GNA15: variants seen among roughly 807,000 people sequenced by gnomAD.
GNA15 encodes the protein guanine nucleotide-binding protein subunit alpha-15.
In GNA15, 23 loss-of-function variants were observed where a neutral mutation model predicts 40.1. That is an observed-to-expected ratio of 0.57 (90% CI 0.41 to 0.81). The LOEUF (loss-of-function observed/expected upper bound fraction) is 0.81, where lower values mean the gene tolerates loss of function less well. GNA15 is among the 40% of genes least tolerant of loss of function. The pLI, the probability that GNA15 is intolerant of heterozygous loss-of-function variation, is 0.00. For missense variants in GNA15, 522 were observed against 515.8 expected (o/e 1.01, Z -0.12); for synonymous variants, 226 against 210.4 (o/e 1.07, Z -0.64).
At position 3,155,784 on chromosome 19, in the gene GNA15, C is replaced by T. The variant is rs764109382; in HGVS notation, c.615-39C>T. The T allele has an allele frequency of 3.1e-6, 5 of 1,603,354 alleles. No individual in the cohort carries two copies. In the South Asian group the frequency reaches 4.4e-5, roughly 14 times the overall value. On this transcript the variant is annotated intron_variant, in intron 4 of 6. Transcript: ENST00000262958. The surrounding 1 kb of genome is among the most constrained non-coding windows in gnomAD (Gnocchi z 5.6). ...GGGGTTGGGGGTGTCACGGAGCAGG[C>T]TCCTGAGCTCTGAAAGGGGGCACCT...
intron 6 of GNA15, among the ~76,000 whole-genome samples, chr19:3,158,603 C>A (rs551751507): frequency 1.3e-5 from 2 of 151,940 alleles, no homozygotes; most frequent in Non-Finnish European, 2.9e-5. Context: ...AAGAATGATT[C>A]TTTTTCTTTT....
chr19:3,151,625 T>G lies in GNA15; in HGVS notation c.486-82T>G. ...AGGGAGCTCTCCTCCCCCAGCAGGG[T>G]CCTTGCTGGGCCTTTCGTAGGGCCT... On this transcript the variant is annotated intron_variant, in intron 3 of 6. Coordinates refer to ENST00000262958, the MANE Select transcript of GNA15 (RefSeq NM_002068.4). This position sits in a 1 kb window ranked among gnomAD's most constrained non-coding sequence, Gnocchi z 5.0. 1 of 1,426,406 alleles carries G rather than the reference T, an allele frequency of 7.0e-7. No homozygotes were observed. The highest frequency in any genetic ancestry group is 9.3e-7 in the Non-Finnish European group (1 of 1,076,034). The allele number at this position is 1,426,406 out of a possible 1,614,324, so 88.4% of individuals were successfully genotyped here.
At chr19:3,144,266 C>A (rs1599320859) in intron 1 of GNA15, among the ~76,000 whole-genome samples, 1 of 152,122 alleles carries the variant, frequency 6.6e-6, no homozygotes, top group Non-Finnish European at 1.5e-5. Flanking sequence ...CCCCAAATAG[C>A]CAAAGCTCCA....
At chr19:3,145,479 G>A (rs905717747) in intron 1 of GNA15, among the ~76,000 whole-genome samples, 4 of 135,442 alleles carry the variant, frequency 3.0e-5, no homozygotes, top group East Asian at 2.2e-4. Flanking sequence ...GGCATGAGCC[G>A]CTACACCATG....
intron 1 of GNA15, among the ~76,000 whole-genome samples, chr19:3,143,944 C>T (rs1191745620): frequency 7.3e-6 from 1 of 137,046 alleles, no homozygotes; most frequent in Non-Finnish European, 1.6e-5. Flanking sequence ...CATGGTGAAA[C>T]CCCGTCTCTA....
chr19:3,156,208 G>GCGCACACACGCACA (rs1555707146), intron 5 of GNA15, among the ~76,000 whole-genome samples: 2 of 128,992 alleles, frequency 1.6e-5, no homozygotes, highest in South Asian at 2.3e-4. Context: ...ACACACTACA[G>GCGCACACACGCACA]TGCACACACG....
chr19:3,144,811 A>G (rs1599321368), intron 1 of GNA15, among the ~76,000 whole-genome samples: 1 of 146,704 alleles, frequency 6.8e-6, no homozygotes, highest in East Asian at 2.1e-4. Context: ...TACAGGCGTG[A>G]GCCACCGGGC....
At position 3,146,057 on chromosome 19, in the gene GNA15, T is replaced by C. The variant is rs571486319; in HGVS notation, c.146-2534T>C. Among the ~76,000 whole-genome samples the C allele has an allele frequency of 2.0e-5, 3 of 152,188 alleles. No homozygotes were observed. In the South Asian group the frequency reaches 6.2e-4, roughly 32 times the overall value. On this transcript the variant is annotated intron_variant, in intron 1 of 6. Coordinates refer to ENST00000262958, the MANE Select transcript of GNA15 (RefSeq NM_002068.4). ...GCCCCTTCTCCGTGCTCCGGCCTTC[T>C]CCTCTGCTCCCATTTCCTCTTTCTG...
At chr19:3,159,055 C>T (rs899181225) in intron 6 of GNA15, among the ~76,000 whole-genome samples, 2 of 152,000 alleles carry the variant, frequency 1.3e-5, no homozygotes, top group East Asian at 1.9e-4. Context: ...GACGGAGTCT[C>T]GCTCTGCTGC....
In GNA15 at chr19:3,148,685, C is replaced by G. The variant is rs138054097; in HGVS notation, c.240C>G (p.Pro80=). 1 of 1,598,126 alleles carries G rather than the reference C, an allele frequency of 6.3e-7. No homozygotes were observed. The highest frequency in any genetic ancestry group is 8.5e-7 in the Non-Finnish European group (1 of 1,172,890). ...AGGAGGAGCGCAAGGGCTTCCGGCC[C>G]CTGGTCTACCAGAACATCTTCGTGT... is the stretch of plus-strand genomic sequence containing the variant. ...YSEEERKGFR[P]LVYQNIFVSM... Residue 80 remains proline, a synonymous_variant, in exon 2 of 7, where the codon CCC becomes CCG. Transcript: ENST00000262958.
Position 3,151,624 on chromosome 19 carries a change from G to A in GNA15, c.486-83G>A. 1 of 1,433,824 alleles carries A rather than the reference G, an allele frequency of 7.0e-7. No homozygotes were observed. Among genetic ancestry groups the A allele is most frequent in the Non-Finnish European group, 9.2e-7 (1 of 1,082,566 alleles). 88.8% of individuals were successfully genotyped at this position (1,433,824 alleles called of 1,614,324 possible). ...CAGGGAGCTCTCCTCCCCCAGCAGGGTCCTTGCTGGGCCTTTCGTAGGGCC... is the reference window on the plus strand; with the variant it reads ...CAGGGAGCTCTCCTCCCCCAGCAGGATCCTTGCTGGGCCTTTCGTAGGGCC... On this transcript the variant is annotated intron_variant, in intron 3 of 6. Coordinates refer to ENST00000262958, the MANE Select transcript of GNA15 (RefSeq NM_002068.4). The surrounding 1 kb of genome is among the most constrained non-coding windows in gnomAD (Gnocchi z 5.0).
intron 1 of GNA15, among the ~76,000 whole-genome samples, chr19:3,147,055 G>A (rs1270470271): frequency 2.0e-5 from 3 of 152,046 alleles, no homozygotes; most frequent in Non-Finnish European, 4.4e-5. Flanking sequence ...GCCACCTTCC[G>A]GCCTTCACAA....
intron 1 of GNA15, 89 bp from the exon 2 acceptor site, chr19:3,148,502 G>C: frequency 3.1e-6 from 4 of 1,302,724 alleles, no homozygotes; most frequent in Non-Finnish European, 4.2e-6. Context: ...GAGGCCTGGC[G>C]TGGAGTTGGG....
rs1478332908 is a variant in GNA15 at position 3,155,832 on chromosome 19, C to T, written c.624C>T (p.Asp208=). The T allele has an allele frequency of 6.2e-6, 10 of 1,613,190 alleles. No homozygotes were observed. Among genetic ancestry groups the T allele is most frequent in the Non-Finnish European group, 8.5e-6 (10 of 1,179,820 alleles). The change falls in exon 5 of 7, where the codon GAC becomes GAT. Residue 208 remains aspartate, a synonymous_variant. Coordinates refer to ENST00000262958, the MANE Select transcript of GNA15 (RefSeq NM_002068.4). This position sits in a 1 kb window ranked among gnomAD's most constrained non-coding sequence, Gnocchi z 5.6. ...SVQKTNLRIV[D]VGGQKSERKK... ...CCTCGGTTCCCTGTAGGATCGTGGA[C>T]GTCGGGGGCCAGAAGTCAGAGCGTA...
rs1265327354 is a variant in GNA15, at chr19:3,136,897, GC to G, written c.145+305del. ...GGCCCCTGCCGGGCAGGCCCAGCAC[GC>G]CCTACCTGTCTGTGTCATGGCGAGG... is the stretch of plus-strand genomic sequence containing the variant. On this transcript the variant is annotated intron_variant, in intron 1 of 6. Transcript: ENST00000262958. This position sits in a 1 kb window ranked among gnomAD's most constrained non-coding sequence, Gnocchi z 4.9. Among the ~76,000 whole-genome samples, 9 of 152,214 alleles carry G rather than the reference GC, an allele frequency of 5.9e-5. No homozygotes were observed. The highest frequency in any genetic ancestry group is 8.8e-5 in the Non-Finnish European group (6 of 68,044).
chr19:3,148,872 G>T, intron 2 of GNA15, 97 bp downstream of exon 2: 1 of 1,095,046 alleles, frequency 9.1e-7, no homozygotes, highest in Non-Finnish European at 1.3e-6. Context: ...AGACTTCAGG[G>T]CAGGGCAGGG....
At position 3,157,716 on chromosome 19, in the gene GNA15, C is replaced by G; in HGVS notation, c.745-12C>G. 6.2e-7 allele frequency: 1 copy of G among 1,611,322 alleles called. No individual in the cohort carries two copies. Among genetic ancestry groups the G allele is most frequent in the African/African-American group, 1.3e-5 (1 of 74,984 alleles). ...TGGTTGAAGCACTAACCTGCTTCTGCCCCCAACACAGAACCGCATGAAGGA... is the reference window on the plus strand; with the variant it reads ...TGGTTGAAGCACTAACCTGCTTCTGGCCCCAACACAGAACCGCATGAAGGA... On this transcript the variant is annotated splice_polypyrimidine_tract_variant and intron_variant, in intron 5 of 6. Transcript: ENST00000262958.
chr19:3,152,289 AGCC>A (rs771040107), intron 4 of GNA15, among the ~76,000 whole-genome samples: 40 of 152,098 alleles, frequency 2.6e-4, no homozygotes, highest in Non-Finnish European at 4.9e-4. Context: ...AAAAAGGAGG[AGCC>A]AGGACAGCGG....
chr19:3,147,283 T>C (rs966338341), intron 1 of GNA15, among the ~76,000 whole-genome samples: 1 of 152,232 alleles, frequency 6.6e-6, no homozygotes, highest in African/African-American at 2.4e-5. Context: ...CCAGGCACGG[T>C]GGCTCACGCC....
Sources: allele counts gnomAD v4.1 joint callset (sites outside exome capture counted in the v4.1 genomes callset), GRCh38; gene constraint gnomAD v4.1.1; non-coding constraint Gnocchi (gnomAD v3.1); transcripts MANE v1.5; gene names NCBI Gene and HGNC (gene_info 2026-07-23, HGNC 2026-07-21).